The following EBF2 variants were observed in gnomAD, a reference collection of about 807,000 sequenced individuals.
EBF2 encodes the protein EBF transcription factor 2, also known as transcription factor COE2.
EBF2 carries 21 observed loss-of-function variants against 72.8 expected under a neutral mutation model. That is an observed-to-expected ratio of 0.29 (90% CI 0.20 to 0.42). The LOEUF (loss-of-function observed/expected upper bound fraction) is 0.42. EBF2 is among the 10% of genes least tolerant of loss of function. The probability of loss-of-function intolerance (pLI) is 1.00; values close to 1 mark genes in which losing one functional copy is unlikely to be tolerated. For missense variants in EBF2, 637 were observed against 731.2 expected, an observed-to-expected ratio of 0.87 and a Z score of 1.49; for synonymous variants, 299 against 274.2, an observed-to-expected ratio of 1.09 and a Z score of -0.89.
At chr8:25,910,483 C>G (rs1288282029) in intron 6 of EBF2, among the ~76,000 whole-genome samples, 5 of 152,098 alleles carry the variant, frequency 3.3e-5, no homozygotes, top group East Asian at 3.9e-4. Flanking sequence ...GTAATGTGTT[C>G]TGTGTGTGTT....
rs1214049565 is a variant in EBF2 at position 25,842,465 on chromosome 8, T to A, written c.*2144A>T. ...CAATGCTACTTAAAAAAAACAAAAT[T>A]TCCTTATGTTGGATTGGCTCAAATC... On this transcript the variant is annotated 3_prime_UTR_variant, in exon 16 of 16. Coordinates refer to ENST00000520164, the MANE Select transcript of EBF2 (RefSeq NM_022659.4). 1 of 152,206 alleles carries A rather than the reference T, an allele frequency of 6.6e-6. No homozygotes were observed. The highest frequency in any genetic ancestry group is 1.5e-5 in the Non-Finnish European group (1 of 68,030). 9.4% of individuals were successfully genotyped at this position (152,206 alleles called of 1,614,324 possible). A position where few individuals can be genotyped will look rare whatever the true frequency, so the allele number is the denominator to read the frequency against.
At chr8:26,043,192 A>G (rs1563217851) in intron 1 of EBF2, among the ~76,000 whole-genome samples, 1 of 152,162 alleles carries the variant, frequency 6.6e-6, no homozygotes. Context: ...GTCACAGCCC[A>G]CCTGGCCATC....
At chr8:25,952,825 C>G (rs147823959) in intron 6 of EBF2, among the ~76,000 whole-genome samples, 26 of 152,288 alleles carry the variant, frequency 1.7e-4, no homozygotes, top group African/African-American at 4.8e-4. Flanking sequence ...AATAACATAG[C>G]TTTGAACTAT....
chr8:25,858,821 C>T (rs533553818), intron 13 of EBF2, among the ~76,000 whole-genome samples: 53 of 151,884 alleles, frequency 3.5e-4, no homozygotes, highest in Admixed American at 9.8e-4. Flanking sequence ...CCATTGCGCC[C>T]GGCTAATTTT....
chr8:25,887,255 C>T (rs920113866), intron 9 of EBF2, among the ~76,000 whole-genome samples: 1 of 152,002 alleles, frequency 6.6e-6, no homozygotes, highest in Non-Finnish European at 1.5e-5. Flanking sequence ...CCAACCCCAC[C>T]CTCACCCCTG....
intron 6 of EBF2, among the ~76,000 whole-genome samples, chr8:25,910,844 A>G (rs1355371526): frequency 6.6e-6 from 1 of 152,170 alleles, no homozygotes; most frequent in Non-Finnish European, 1.5e-5. Flanking sequence ...GTGAGAGAAG[A>G]CAGAGACAGA....
chr8:25,908,399 GAAAAT>G, intron 7 of EBF2, 70 bp downstream of exon 7: 1 of 1,178,890 alleles, frequency 8.5e-7, no homozygotes, highest in Admixed American at 2.2e-5. Context: ...TAAAGAAAAA[GAAAAT>G]AAAAAGAGTG....
chr8:25,906,163 G>A (rs1803028020), intron 7 of EBF2, among the ~76,000 whole-genome samples: 1 of 152,122 alleles, frequency 6.6e-6, no homozygotes. Context: ...CTCCTACAAT[G>A]GAAGCCTCTT....
chr8:26,025,717 T>C (rs1805293707), intron 6 of EBF2, among the ~76,000 whole-genome samples: 1 of 152,176 alleles, frequency 6.6e-6, no homozygotes, highest in African/African-American at 2.4e-5. Flanking sequence ...GTCCTTTATC[T>C]TACCTGTAAT....
intron 6 of EBF2, among the ~76,000 whole-genome samples, chr8:25,931,542 CA>C (rs1474313507): frequency 6.6e-6 from 1 of 152,144 alleles, no homozygotes; most frequent in East Asian, 1.9e-4. Flanking sequence ...TGAATGTGGA[CA>C]AAAAGAATAA....
At chr8:25,893,794 G>A (rs1802822795) in intron 7 of EBF2, among the ~76,000 whole-genome samples, 1 of 152,182 alleles carries the variant, frequency 6.6e-6, no homozygotes, top group Non-Finnish European at 1.5e-5. Flanking sequence ...CCATTTGGGT[G>A]GAGTGAGACT....
chr8:25,914,923 GA>G (rs1323636527), intron 6 of EBF2, among the ~76,000 whole-genome samples: 1 of 152,122 alleles, frequency 6.6e-6, no homozygotes. Flanking sequence ...GCCCATTTAA[GA>G]TCTGAAAAAT....
intron 6 of EBF2, among the ~76,000 whole-genome samples, chr8:25,958,090 C>T (rs368887183): frequency 1.3e-5 from 2 of 152,172 alleles, no homozygotes; most frequent in East Asian, 1.9e-4. Flanking sequence ...ATAACAAACC[C>T]GCACAAAGAT....
intron 6 of EBF2, among the ~76,000 whole-genome samples, chr8:25,975,547 G>A (rs188466779): frequency 4.9e-4 from 75 of 152,162 alleles, no homozygotes; most frequent in African/African-American, 1.5e-3. Context: ...GATCATATAC[G>A]CTGGCTTTAT....
intron 6 of EBF2, among the ~76,000 whole-genome samples, chr8:26,030,413 C>G (rs1445601034): frequency 3.7e-5 from 5 of 136,052 alleles, no homozygotes; most frequent in South Asian, 2.7e-4. Context: ...CATCACACAC[C>G]GGGGACTGTT....
chr8:25,971,361 G>GGGCAAAGAGAA (rs1303011991), intron 6 of EBF2, among the ~76,000 whole-genome samples: 1 of 152,182 alleles, frequency 6.6e-6, no homozygotes, highest in African/African-American at 2.4e-5. Flanking sequence ...GTCTCATTTT[G>GGGCAAAGAGAA]CAGATCCGTG....
chr8:26,026,049 C>A (rs1383675437), intron 6 of EBF2, among the ~76,000 whole-genome samples: 3 of 152,100 alleles, frequency 2.0e-5, no homozygotes, highest in African/African-American at 4.8e-5. Flanking sequence ...CATAGTGGCA[C>A]AACTGTAGTC....
At chr8:26,008,408 C>A (rs867184894) in intron 6 of EBF2, among the ~76,000 whole-genome samples, 1 of 152,068 alleles carries the variant, frequency 6.6e-6, no homozygotes, top group Non-Finnish European at 1.5e-5. Context: ...GGTCATGTTC[C>A]GTGCCCATTA....
At chr8:25,900,421 T>C (rs978631661) in intron 7 of EBF2, among the ~76,000 whole-genome samples, 15 of 151,912 alleles carry the variant, frequency 9.9e-5, no homozygotes, top group African/African-American at 3.6e-4. Flanking sequence ...ATTGCACCAC[T>C]GCACTCCAGC....
Sources: gnomAD v4.1 joint callset for allele counts (sites outside exome capture counted in the v4.1 genomes callset) on GRCh38, gnomAD v4.1.1 for gene constraint, MANE v1.5 for transcripts, NCBI Gene and HGNC (gene_info 2026-07-23, HGNC 2026-07-21) for gene names.